SLC25A37: variants seen among roughly 807,000 people sequenced by gnomAD.
The protein encoded by SLC25A37 is solute carrier family 25 member 37, also known as mitoferrin-1.
In SLC25A37, 17 loss-of-function variants were observed where a neutral mutation model predicts 31.0. That is an observed-to-expected ratio of 0.55 (90% CI 0.38 to 0.82). The LOEUF (loss-of-function observed/expected upper bound fraction) is 0.82, where lower values mean the gene tolerates loss of function less well. SLC25A37 is among the 40% of genes least tolerant of loss of function. SLC25A37 has a pLI of 0.00. For synonymous variants in SLC25A37, 222 were observed against 193.0 expected (o/e 1.15, Z -1.24); for missense variants, 404 against 465.8 (o/e 0.87, Z 1.22).
At chr8:23,541,719 C>G (rs1176061164) in intron 1 of SLC25A37, 1 of 152,376 alleles carries the variant, frequency 6.6e-6, no homozygotes, top group East Asian at 1.9e-4. Context: ...CCCACTTTCT[C>G]TGCCCTCCTG....
At chr8:23,557,747 C>T (rs571810734) in intron 1 of SLC25A37, among the ~76,000 whole-genome samples, 11 of 152,126 alleles carry the variant, frequency 7.2e-5, no homozygotes, top group Non-Finnish European at 8.8e-5. Context: ...GGGCTTGGCC[C>T]CGCATTTTAC....
intron 1 of SLC25A37, among the ~76,000 whole-genome samples, chr8:23,542,032 T>G (rs1003022845): frequency 6.6e-6 from 1 of 152,210 alleles, no homozygotes; most frequent in African/African-American, 2.4e-5. Flanking sequence ...ACATGGTATT[T>G]GTGAAAATGT....
chr8:23,538,522 C>CTGT (rs1801822485), intron 1 of SLC25A37, among the ~76,000 whole-genome samples: 1 of 108,934 alleles, frequency 9.2e-6, no homozygotes, highest in African/African-American at 7.2e-5. Flanking sequence ...CGTTGTTTGT[C>CTGT]GTGTGTGTGT....
chr8:23,570,204 G>T (rs905328981), intron 3 of SLC25A37, among the ~76,000 whole-genome samples: 2 of 152,158 alleles, frequency 1.3e-5, no homozygotes, highest in African/African-American at 4.8e-5. Flanking sequence ...ATGCTGAAGG[G>T]ACACACACCT....
chr8:23,536,243 A>G (rs1167556909), intron 1 of SLC25A37, among the ~76,000 whole-genome samples: 1 of 151,784 alleles, frequency 6.6e-6, no homozygotes, highest in East Asian at 1.9e-4. Context: ...CCTCACATGC[A>G]CCCCCAATGT....
At chr8:23,554,926 T>C (rs1156825872) in intron 1 of SLC25A37, among the ~76,000 whole-genome samples, 13 of 152,210 alleles carry the variant, frequency 8.5e-5, no homozygotes, top group Admixed American at 1.3e-4. Context: ...CATATTGCTG[T>C]TGGGTGCGAT....
intron 1 of SLC25A37, among the ~76,000 whole-genome samples, chr8:23,536,128 G>A (rs974177622): frequency 6.6e-6 from 1 of 152,120 alleles, no homozygotes; most frequent in Non-Finnish European, 1.5e-5. Flanking sequence ...GAGTGACTCG[G>A]TTCCAGGATC....
chr8:23,558,015 G>C (rs1335441100), intron 1 of SLC25A37, among the ~76,000 whole-genome samples: 1 of 152,188 alleles, frequency 6.6e-6, no homozygotes, highest in Non-Finnish European at 1.5e-5. Flanking sequence ...CACAGTGCTT[G>C]TTTGTTTCCT....
At chr8:23,537,771 T>C (rs1801800298) in intron 1 of SLC25A37, among the ~76,000 whole-genome samples, 1 of 151,984 alleles carries the variant, frequency 6.6e-6, no homozygotes, top group Non-Finnish European at 1.5e-5. Context: ...CTGATTGGAG[T>C]GGAAGATCCA....
At chr8:23,556,519 C>T (rs1802370019) in intron 1 of SLC25A37, among the ~76,000 whole-genome samples, 1 of 151,868 alleles carries the variant, frequency 6.6e-6, no homozygotes, top group Non-Finnish European at 1.5e-5. Context: ...AGCCACTGCA[C>T]CCAGCTCAAA....
chr8:23,569,212 C>T (rs1286424523), intron 3 of SLC25A37, among the ~76,000 whole-genome samples: 1 of 152,142 alleles, frequency 6.6e-6, no homozygotes, highest in East Asian at 1.9e-4. Flanking sequence ...TGCAGTGAGT[C>T]GTGATTGCAC....
At chr8:23,569,823 C>G (rs1802773570) in intron 3 of SLC25A37, among the ~76,000 whole-genome samples, 1 of 152,204 alleles carries the variant, frequency 6.6e-6, no homozygotes, top group African/African-American at 2.4e-5. Flanking sequence ...GGCAGGCCTT[C>G]AGCTGGGTCA....
chr8:23,548,477 CTTTTTT>C (rs143771739), intron 1 of SLC25A37, among the ~76,000 whole-genome samples: 9 of 116,030 alleles, frequency 7.8e-5, no homozygotes, highest in Admixed American at 1.7e-4. Context: ...CACGTCCGGG[CTTTTTT>C]TTTTTTTTTT....
At chr8:23,530,150 T>G (rs185679656) in intron 1 of SLC25A37, among the ~76,000 whole-genome samples, 6 of 152,344 alleles carry the variant, frequency 3.9e-5, no homozygotes, top group African/African-American at 1.2e-4. Context: ...TGCACTTTTA[T>G]AGGCATAACT....
At chr8:23,563,770 A>G (rs1802576940) in intron 1 of SLC25A37, among the ~76,000 whole-genome samples, 1 of 152,160 alleles carries the variant, frequency 6.6e-6, no homozygotes, top group Admixed American at 6.5e-5. Context: ...TCTCGAGGTC[A>G]CGAGTTTGAG....
In SLC25A37 at chr8:23,566,348, G is replaced by A. The variant is rs758820205; in HGVS notation, c.439+12G>A. The A allele has an allele frequency of 6.3e-6, 10 of 1,598,020 alleles. No individual in the cohort carries two copies. The South Asian group carries it at 1.1e-4, about 18-fold the overall frequency. ...CCACCTAGCCAACGGTATTTTGAAA[G>A]CGTTTGTCTGGAGTTAGAAAGTTCT... On this transcript the variant is annotated intron_variant, in intron 2 of 3. Transcript: ENST00000519973.
chr8:23,533,944 C>T (rs949547810), intron 1 of SLC25A37, among the ~76,000 whole-genome samples: 15 of 27,094 alleles, frequency 5.5e-4, no homozygotes, highest in Non-Finnish European at 8.1e-4. Context: ...CTCCCTCTCT[C>T]TCTCTTTTTT....
chr8:23,570,058 CAG>C (rs3842194), intron 3 of SLC25A37, among the ~76,000 whole-genome samples: 45,259 of 151,834 alleles, frequency 0.3, 7,825 homozygotes, highest in Non-Finnish European at 0.39. Flanking sequence ...GTCTGACCTT[CAG>C]GGTTGTGATG....
intron 1 of SLC25A37, among the ~76,000 whole-genome samples, chr8:23,530,760 C>G (rs540924238): frequency 2.6e-4 from 40 of 152,326 alleles, no homozygotes; most frequent in Admixed American, 4.6e-4. Flanking sequence ...CCTAGTCCTA[C>G]TGGTGTCTTG....
Sources: allele counts gnomAD v4.1 joint callset (sites outside exome capture counted in the v4.1 genomes callset), GRCh38; gene constraint gnomAD v4.1.1; transcripts MANE v1.5; gene names NCBI Gene and HGNC (gene_info 2026-07-23, HGNC 2026-07-21).